Variants in PHKB observed in about 807,000 individuals in gnomAD.
PHKB encodes phosphorylase kinase regulatory subunit beta.
In PHKB, 122 loss-of-function variants were observed where a neutral mutation model predicts 152.1. That is an observed-to-expected ratio of 0.80 (90% CI 0.69 to 0.93). PHKB has a LOEUF of 0.93. Ranked by LOEUF, PHKB falls within the 40% of genes least tolerant of loss-of-function variation. The pLI is 0.00. For synonymous variants in PHKB, 436 were observed against 464.9 expected (o/e 0.94, Z 0.80); for missense variants, 1,304 against 1,328.4 (o/e 0.98, Z 0.29).
At chr16:47,600,270 G>A (rs1972198289) in intron 13 of PHKB, among the ~76,000 whole-genome samples, 1 of 152,062 alleles carries the variant, frequency 6.6e-6, no homozygotes, top group African/African-American at 2.4e-5. Flanking sequence ...TAAAAAATAA[G>A]TTAATTATTC....
intron 7 of PHKB, among the ~76,000 whole-genome samples, chr16:47,560,609 A>G (rs1971459195): frequency 6.6e-6 from 1 of 152,174 alleles, no homozygotes; most frequent in African/African-American, 2.4e-5. Flanking sequence ...AAATAAACCC[A>G]CACATCTGTA....
chr16:47,497,564 C>T, intron 2 of PHKB, 76 bp downstream of exon 2: 6 of 854,962 alleles, frequency 7.0e-6, no homozygotes, highest in East Asian at 2.5e-5. Flanking sequence ...AAATTATGTA[C>T]ATTATGTGGA....
At chr16:47,663,774 G>GT in intron 24 of PHKB, 40 bp downstream of exon 24, 1 of 1,168,168 alleles carries the variant, frequency 8.6e-7, no homozygotes, top group South Asian at 1.2e-5. Flanking sequence ...TTATTTTTGT[G>GT]TTGTTATATT....
At chr16:47,461,848 G>A (rs1969566902) in intron 1 of PHKB, among the ~76,000 whole-genome samples, 2 of 152,238 alleles carry the variant, frequency 1.3e-5, no homozygotes, top group South Asian at 2.1e-4. Flanking sequence ...TCTGGCTGCA[G>A]AAAGCCGGCG....
intron 20 of PHKB, among the ~76,000 whole-genome samples, chr16:47,654,278 C>A (rs574769948): frequency 6.6e-6 from 1 of 152,202 alleles, no homozygotes; most frequent in East Asian, 1.9e-4. Flanking sequence ...GTTAAAATGG[C>A]GATCATTAAA....
intron 20 of PHKB, among the ~76,000 whole-genome samples, chr16:47,652,405 A>G (rs944765534): frequency 3.4e-5 from 5 of 145,130 alleles, no homozygotes; most frequent in South Asian, 2.2e-4. Context: ...TTTAATACAT[A>G]CACAGTAATA....
intron 7 of PHKB, among the ~76,000 whole-genome samples, chr16:47,569,911 C>T (rs1193725061): frequency 1.3e-5 from 2 of 152,254 alleles, no homozygotes; most frequent in African/African-American, 4.8e-5. Context: ...GCATGAGCCA[C>T]CATGCCTGGC....
intron 12 of PHKB, among the ~76,000 whole-genome samples, chr16:47,594,587 T>A (rs985635397): frequency 6.6e-6 from 1 of 152,220 alleles, no homozygotes; most frequent in Non-Finnish European, 1.5e-5. Flanking sequence ...CTAAAGGCAC[T>A]AGAATTGCCG....
Position 47,650,555 on chromosome 16 carries a change from G to A in PHKB, c.1809G>A (p.Gln603=). Residue 603 remains glutamine (Q), a synonymous_variant, in exon 19 of 31, where the codon CAG becomes CAA. Coordinates refer to ENST00000323584, the MANE Select transcript of PHKB (RefSeq NM_000293.3). ...ATTCTGTTTGACAGAATGCGCTGCA[G>A]TTCATTAAACAATATTGGAAAATGC... ...LLIDDIKNAL[Q]FIKQYWKMHG... is the part of the protein sequence containing the mutation. 1 of 1,599,514 alleles carries A rather than the reference G, an allele frequency of 6.3e-7. No homozygotes were observed. The highest frequency in any genetic ancestry group is 2.2e-5 in the East Asian group (1 of 44,808).
rs138065225 is a variant in PHKB at position 47,595,059 on chromosome 16, A to C, written c.1204+845A>C. On this transcript the variant is annotated intron_variant, in intron 12 of 30. Transcript: ENST00000323584. ...TTCAAAGTGAATATTAATTTTTAAA[A>C]GTTATCTTTGTCTTTATGCTACAAA... Among the ~76,000 whole-genome samples the C allele has an allele frequency of 7.5e-3, 1,141 of 152,368 alleles. 19 individuals carry two copies. The highest frequency in any genetic ancestry group is 0.026 in the African/African-American group (1,081 of 41,586).
chr16:47,665,273 C>A, intron 25 of PHKB: 2 of 322,696 alleles, frequency 6.2e-6, no homozygotes, highest in Non-Finnish European at 1.2e-5. Context: ...AAAAGTTCCA[C>A]GAGAATTTTT....
intron 6 of PHKB, among the ~76,000 whole-genome samples, chr16:47,530,164 C>T (rs910840462): frequency 3.1e-5 from 4 of 128,710 alleles, no homozygotes; most frequent in African/African-American, 1.2e-4. Flanking sequence ...CAGACAGAGT[C>T]TTGCTCTGTC....
chr16:47,655,812 A>G (rs1973325837), intron 20 of PHKB, among the ~76,000 whole-genome samples: 1 of 151,976 alleles, frequency 6.6e-6, no homozygotes, highest in Non-Finnish European at 1.5e-5. Context: ...AAGACTAGTT[A>G]CTGCAGAAGG....
intron 12 of PHKB, among the ~76,000 whole-genome samples, chr16:47,595,243 G>A (rs924142316): frequency 6.6e-6 from 1 of 152,144 alleles, no homozygotes; most frequent in Non-Finnish European, 1.5e-5. Context: ...ATCATGTTCA[G>A]AGAGTGATGT....
intron 12 of PHKB, among the ~76,000 whole-genome samples, chr16:47,595,243 G>C (rs924142316): frequency 1.3e-5 from 2 of 152,144 alleles, no homozygotes; most frequent in African/African-American, 4.8e-5. Flanking sequence ...ATCATGTTCA[G>C]AGAGTGATGT....
intron 14 of PHKB, among the ~76,000 whole-genome samples, chr16:47,612,864 T>C (rs1972452585): frequency 1.3e-5 from 2 of 152,180 alleles, no homozygotes; most frequent in African/African-American, 2.4e-5. Context: ...CCATGTCTGT[T>C]CCCGGGGCTG....
Position 47,621,739 on chromosome 16 carries a change from G to T in PHKB, c.1458+10819G>T, listed in dbSNP as rs75978731. On this transcript the variant is annotated intron_variant, in intron 14 of 30. Transcript: ENST00000323584. ...AGAATAAAATAGTCAAGGCATCAAA[G>T]ATGCTTCTGAGAGAGCCTAGCCTGA... is the stretch of plus-strand genomic sequence containing the variant. 2.0e-5 allele frequency among the ~76,000 whole-genome samples: 3 copies of T among 152,182 alleles called. No individual in the cohort carries two copies. In the East Asian group the frequency reaches 5.8e-4, roughly 29 times the overall value.
At chr16:47,549,446 T>C (rs1435757594) in intron 7 of PHKB, among the ~76,000 whole-genome samples, 1 of 152,060 alleles carries the variant, frequency 6.6e-6, no homozygotes, top group African/African-American at 2.4e-5. Context: ...ATCCAACACT[T>C]TGGGAGGCCG....
At chr16:47,639,177 G>C (rs1468266231) in intron 14 of PHKB, among the ~76,000 whole-genome samples, 1 of 152,166 alleles carries the variant, frequency 6.6e-6, no homozygotes. Flanking sequence ...GGGAGGCTGA[G>C]GTGGGAGGAT....
Sources: gnomAD v4.1 joint callset for allele counts (sites outside exome capture counted in the v4.1 genomes callset) on GRCh38, gnomAD v4.1.1 for gene constraint, MANE v1.5 for transcripts, NCBI Gene and HGNC (gene_info 2026-07-23, HGNC 2026-07-21) for gene names.